MAPK10: variants seen among roughly 807,000 people sequenced by gnomAD.
MAPK10 encodes the protein mitogen-activated protein kinase 10.
In MAPK10, 25 loss-of-function variants were observed where a neutral mutation model predicts 59.3. The ratio of observed to expected loss-of-function variants is 0.42; its 90% CI spans 0.31 to 0.59. The LOEUF is 0.59. Among genes scored for constraint, MAPK10 ranks in the 20% least tolerant of loss-of-function variants. The probability of loss-of-function intolerance (pLI) is 0.15; values close to 1 mark genes in which losing one functional copy is unlikely to be tolerated. For missense variants in MAPK10, 351 were observed against 568.9 expected, an observed-to-expected ratio of 0.62 and a Z score of 3.90; for synonymous variants, 190 against 200.5, an observed-to-expected ratio of 0.95 and a Z score of 0.44.
intron 2 of MAPK10, among the ~76,000 whole-genome samples, chr4:86,324,427 A>T (rs534613541): frequency 6.6e-6 from 1 of 152,218 alleles, no homozygotes; most frequent in African/African-American, 2.4e-5. Context: ...AAAAAATAAA[A>T]AAAAAAAAGA....
At chr4:86,041,163 A>G (rs914606231) in intron 11 of MAPK10, among the ~76,000 whole-genome samples, 24 of 152,166 alleles carry the variant, frequency 1.6e-4, no homozygotes, top group African/African-American at 5.3e-4. Context: ...AACAATAGCT[A>G]CAATAATGTG....
intron 11 of MAPK10, among the ~76,000 whole-genome samples, chr4:86,036,984 C>A (rs2040436116): frequency 6.6e-6 from 1 of 152,190 alleles, no homozygotes; most frequent in African/African-American, 2.4e-5. Context: ...ACAATTGCAG[C>A]TGTACCTTTT....
At chr4:86,266,910 A>G (rs1003614563) in intron 2 of MAPK10, among the ~76,000 whole-genome samples, 2 of 151,948 alleles carry the variant, frequency 1.3e-5, no homozygotes, top group East Asian at 1.9e-4. Context: ...TTATATATAG[A>G]TATGTATTTA....
In MAPK10 at chr4:86,245,902, A is replaced by G. The variant is rs771325340; in HGVS notation, c.-6-51495T>C. Among the ~76,000 whole-genome samples the G allele has an allele frequency of 2.3e-4, 35 of 152,334 alleles. No homozygotes were observed. In the Middle Eastern group the frequency reaches 0.01, roughly 44 times the overall value. Reference sequence around the variant, plus strand: ...AATTAAACCCCAAAATATATTACTCAAAATTATTTTTAAATACTTTATCTG... The same window carrying G: ...AATTAAACCCCAAAATATATTACTCGAAATTATTTTTAAATACTTTATCTG... On this transcript the variant is annotated intron_variant, in intron 2 of 13. Coordinates refer to ENST00000641462, the MANE Select transcript of MAPK10 (RefSeq NM_138982.4).
rs1283182392 is a variant in MAPK10, at chr4:86,133,528, C to G, written c.236+25770G>C. ...ACATAAAAATTTTTAATGCCTACAG[C>G]CAAAACAGTTTACAGGGTATGACCA... On this transcript the variant is annotated intron_variant, in intron 4 of 13. Transcript: ENST00000641462. 2.6e-5 allele frequency among the ~76,000 whole-genome samples: 4 copies of G among 152,162 alleles called. No homozygotes were observed. The East Asian group carries it at 7.7e-4, about 29-fold the overall frequency.
intron 1 of MAPK10, among the ~76,000 whole-genome samples, chr4:86,437,581 C>T (rs1748918095): frequency 6.6e-6 from 1 of 152,026 alleles, no homozygotes; most frequent in African/African-American, 2.4e-5. Context: ...ACTGTTGTGT[C>T]TTTGTCAATT....
intron 9 of MAPK10, among the ~76,000 whole-genome samples, chr4:86,076,547 TA>T (rs2049515602): frequency 6.6e-6 from 1 of 152,204 alleles, no homozygotes. Context: ...ATTGATATGG[TA>T]AAAAATTGTT....
At chr4:86,359,136 C>T (rs956863250) in intron 1 of MAPK10, among the ~76,000 whole-genome samples, 1 of 151,872 alleles carries the variant, frequency 6.6e-6, no homozygotes, top group Admixed American at 6.6e-5. Context: ...ATACTTCTCA[C>T]AAAAGTAAAC....
At chr4:86,430,803 G>A (rs1747944163) in intron 1 of MAPK10, among the ~76,000 whole-genome samples, 1 of 152,172 alleles carries the variant, frequency 6.6e-6, no homozygotes, top group Admixed American at 6.5e-5. Context: ...GGCTGCAAAC[G>A]AGGCTACAGA....
At chr4:86,359,623 A>G (rs1736451269) in intron 1 of MAPK10, 35 bp downstream of exon 1, 1 of 958,162 alleles carries the variant, frequency 1.0e-6, no homozygotes, top group African/African-American at 1.8e-5. Flanking sequence ...CTCCAAAAAC[A>G]GGTTAGAACC....
At chr4:86,042,282 A>G (rs2041703593) in intron 11 of MAPK10, among the ~76,000 whole-genome samples, 1 of 152,214 alleles carries the variant, frequency 6.6e-6, no homozygotes, top group South Asian at 2.1e-4. Context: ...ATGAGAACAC[A>G]TGGACACAGG....
intron 11 of MAPK10, among the ~76,000 whole-genome samples, chr4:86,036,070 T>C (rs1028246615): frequency 2.0e-5 from 3 of 152,136 alleles, no homozygotes; most frequent in African/African-American, 4.8e-5. Flanking sequence ...AATGAGAATA[T>C]TGCAATGTTA....
intron 4 of MAPK10, among the ~76,000 whole-genome samples, chr4:86,116,259 G>A (rs2058279076): frequency 6.6e-6 from 1 of 152,146 alleles, no homozygotes; most frequent in Admixed American, 6.5e-5. Context: ...CCAACCAGAT[G>A]GACACATTCA....
chr4:86,525,031 C>T (rs1757374335), intron 1 of MAPK10, among the ~76,000 whole-genome samples: 1 of 151,208 alleles, frequency 6.6e-6, no homozygotes, highest in Admixed American at 6.6e-5. Context: ...GGCATGATGG[C>T]TCATGCCTGT....
intron 2 of MAPK10, among the ~76,000 whole-genome samples, chr4:86,351,542 C>T (rs983995493): frequency 2.0e-5 from 3 of 152,072 alleles, no homozygotes; most frequent in Non-Finnish European, 4.4e-5. Flanking sequence ...TTGTTTGTTA[C>T]ATATGCCCTA....
intron 11 of MAPK10, among the ~76,000 whole-genome samples, chr4:86,060,237 T>G (rs1273061240): frequency 1.3e-5 from 2 of 152,198 alleles, no homozygotes; most frequent in African/African-American, 4.8e-5. Flanking sequence ...CATGATGATT[T>G]ATTTGAGTTT....
intron 1 of MAPK10, among the ~76,000 whole-genome samples, chr4:86,539,783 T>C (rs1423493189): frequency 6.6e-6 from 1 of 152,160 alleles, no homozygotes; most frequent in Non-Finnish European, 1.5e-5. Context: ...CCAATAACTG[T>C]CCCACTAAAA....
chr4:86,584,154 A>G (rs994934219), intron 1 of MAPK10, among the ~76,000 whole-genome samples: 1 of 152,172 alleles, frequency 6.6e-6, no homozygotes, highest in Non-Finnish European at 1.5e-5. Context: ...TCAAGAACCA[A>G]CTGACAAAGT....
chr4:86,034,524 C>A (rs1170477541), intron 11 of MAPK10, among the ~76,000 whole-genome samples: 4 of 152,122 alleles, frequency 2.6e-5, no homozygotes, highest in Non-Finnish European at 5.9e-5. Flanking sequence ...TTATTTATTT[C>A]TTTATTAAAT....
Sources: gnomAD v4.1 joint callset for allele counts (sites outside exome capture counted in the v4.1 genomes callset) on GRCh38, gnomAD v4.1.1 for gene constraint, MANE v1.5 for transcripts, NCBI Gene and HGNC (gene_info 2026-07-23, HGNC 2026-07-21) for gene names.